The following SPMIP6 variants were observed in gnomAD, a reference collection of about 807,000 sequenced individuals.
SPMIP6 encodes the protein sperm microtubule inner protein 6.
the SPMIP6 span, chr9:34,385,896 C>A: frequency 9.3e-6 from 9 of 971,386 alleles, no homozygotes; most frequent in East Asian, 1.0e-4. Flanking sequence ...GGTCTCCCAA[C>A]CCCCCTCCCC....
chr9:34,379,129 CAT>C, the SPMIP6 span: 4 of 1,613,842 alleles, frequency 2.5e-6, no homozygotes, highest in South Asian at 1.1e-5. The surrounding 1 kb of genome is among the most constrained non-coding windows in gnomAD (Gnocchi z 4.2). Context: ...GGATGGATAA[CAT>C]AGTTGTTTCT....
chr9:34,391,090 G>C, the SPMIP6 span, among the ~76,000 whole-genome samples: 1 of 152,166 alleles, frequency 6.6e-6, no homozygotes, highest in Admixed American at 6.5e-5. Flanking sequence ...TTTGTGGAAA[G>C]TTTTCAAATT....
chr9:34,382,643 G>T, the SPMIP6 span: 2 of 762,922 alleles, frequency 2.6e-6, no homozygotes, highest in Admixed American at 1.8e-5. Flanking sequence ...TGGGGCATTT[G>T]TTGGGAAAGC....
At chr9:34,382,882 G>A in the SPMIP6 span, 22 of 1,517,680 alleles carry the variant, frequency 1.4e-5, no homozygotes, top group African/African-American at 2.7e-4. Flanking sequence ...GGATAATAGG[G>A]GTGGAGATGT....
chr9:34,389,548 T>C, the SPMIP6 span, among the ~76,000 whole-genome samples: 1 of 152,140 alleles, frequency 6.6e-6, no homozygotes, highest in East Asian at 1.9e-4. Flanking sequence ...CCCTGCCAAT[T>C]TTTGTATTTT....
chr9:34,381,727 T>C, the SPMIP6 span: 1 of 1,332,346 alleles, frequency 7.5e-7, no homozygotes, highest in Non-Finnish European at 9.7e-7. The surrounding 1 kb of genome is among the most constrained non-coding windows in gnomAD (Gnocchi z 4.4). Context: ...TACCCCTCTT[T>C]GTCTAGCTGA....
At chr9:34,385,826 C>T in the SPMIP6 span, 1 of 1,587,656 alleles carries the variant, frequency 6.3e-7, no homozygotes, top group South Asian at 1.1e-5. Context: ...CACAGAGACC[C>T]CAGCCCTGGG....
the SPMIP6 span, among the ~76,000 whole-genome samples, chr9:34,388,934 T>TTC: frequency 0.18 from 23,220 of 129,388 alleles, 1,931 homozygotes; most frequent in East Asian, 0.31. Flanking sequence ...CTCTCTTTCT[T>TTC]TTTTTTTTTT....
chr9:34,387,472 G>T, the SPMIP6 span, among the ~76,000 whole-genome samples: 1 of 152,050 alleles, frequency 6.6e-6, no homozygotes, highest in East Asian at 1.9e-4. Flanking sequence ...GGAGATGTGG[G>T]TGCATGGGTC....
the SPMIP6 span, chr9:34,380,889 C>T: frequency 1.3e-6 from 2 of 1,526,812 alleles, no homozygotes; most frequent in African/African-American, 1.4e-5. Context: ...GGGCGGAGCC[C>T]TGCGAACCTT....
At chr9:34,379,643 T>C in the SPMIP6 span, 1 of 1,613,530 alleles carries the variant, frequency 6.2e-7, no homozygotes, top group African/African-American at 1.3e-5. The surrounding 1 kb of genome is among the most constrained non-coding windows in gnomAD (Gnocchi z 4.2). Context: ...GCGTTAGACT[T>C]ACCTAAGGTT....
chr9:34,379,723 A>C, the SPMIP6 span: 12 of 1,613,882 alleles, frequency 7.4e-6, no homozygotes, highest in East Asian at 2.2e-5. This position sits in a 1 kb window ranked among gnomAD's most constrained non-coding sequence, Gnocchi z 4.2. Context: ...GCTCGTAGGG[A>C]GGTACACATC....
the SPMIP6 span, chr9:34,379,727 A>G: frequency 6.2e-7 from 1 of 1,613,780 alleles, no homozygotes; most frequent in Middle Eastern, 1.7e-4. This position sits in a 1 kb window ranked among gnomAD's most constrained non-coding sequence, Gnocchi z 4.2. Context: ...GTAGGGAGGT[A>G]CACATCTGGA....
the SPMIP6 span, among the ~76,000 whole-genome samples, chr9:34,396,081 T>C: frequency 6.6e-6 from 1 of 152,242 alleles, no homozygotes; most frequent in Non-Finnish European, 1.5e-5. Flanking sequence ...ATGATTATAC[T>C]AGCAAAATTT....
chr9:34,388,171 G>A, the SPMIP6 span, among the ~76,000 whole-genome samples: 1 of 146,750 alleles, frequency 6.8e-6, no homozygotes, highest in Non-Finnish European at 1.5e-5. Flanking sequence ...ATGGAGTTTC[G>A]CTCTTCTCAC....
chr9:34,394,392 T>A, the SPMIP6 span, among the ~76,000 whole-genome samples: 3 of 152,162 alleles, frequency 2.0e-5, no homozygotes, highest in African/African-American at 7.2e-5. Context: ...CCTGACCTCA[T>A]GATCCACCCA....
chr9:34,388,421 G>C, the SPMIP6 span, among the ~76,000 whole-genome samples: 1 of 151,880 alleles, frequency 6.6e-6, no homozygotes, highest in African/African-American at 2.4e-5. Flanking sequence ...CAAAGTACTG[G>C]GATTACAGGC....
chr9:34,397,534 G>C, the SPMIP6 span: 1 of 1,614,154 alleles, frequency 6.2e-7, no homozygotes, highest in Non-Finnish European at 8.5e-7. Flanking sequence ...CAGGCACACA[G>C]GGGTGGGTCC....
the SPMIP6 span, among the ~76,000 whole-genome samples, chr9:34,396,415 C>A: frequency 5.3e-4 from 80 of 152,222 alleles, no homozygotes; most frequent in African/African-American, 1.8e-3. Context: ...ATCTGTTCAC[C>A]CCTCGCTGGC....
Sources: allele counts gnomAD v4.1 joint callset (sites outside exome capture counted in the v4.1 genomes callset), GRCh38; gene constraint gnomAD v4.1.1; non-coding constraint Gnocchi (gnomAD v3.1); transcripts MANE v1.5; gene names NCBI Gene and HGNC (gene_info 2026-07-23, HGNC 2026-07-21).